The following ABR variants were observed in gnomAD, a reference collection of about 807,000 sequenced individuals.
ABR encodes the protein ABR activator of RhoGEF and GTPase, also known as active breakpoint cluster region-related protein.
ABR carries 35 observed loss-of-function variants against 107.2 expected under a neutral mutation model. That is an observed-to-expected ratio of 0.33 (90% confidence interval 0.25 to 0.43). The LOEUF is 0.43. Ranked by LOEUF, ABR falls within the 20% of genes least tolerant of loss-of-function variation. The probability of loss-of-function intolerance (pLI) is 1.00; values close to 1 mark genes in which losing one functional copy is unlikely to be tolerated. For missense variants in ABR, 815 were observed against 1,115.2 expected (o/e 0.73, Z 3.83); for synonymous variants, 498 against 462.0 (o/e 1.08, Z -1.00).
chr17:1,178,940 G>C (rs1567864789), intron 1 of ABR, among the ~76,000 whole-genome samples: 1 of 151,918 alleles, frequency 6.6e-6, no homozygotes, highest in Non-Finnish European at 1.5e-5. Context: ...CCGGGGCCAT[G>C]CAAGAGCAAT....
chr17:1,213,244 C>T (rs1178698941), intron 1 of ABR, among the ~76,000 whole-genome samples: 2 of 152,230 alleles, frequency 1.3e-5, no homozygotes, highest in African/African-American at 2.4e-5. Context: ...CTCCCAAACA[C>T]TGTGCCGGCC....
rs1327497499 is a variant in ABR at position 1,070,162 on chromosome 17, G to A, written c.895-72C>T. 5.0e-6 allele frequency: 8 copies of A among 1,587,570 alleles called. No homozygotes were observed. In the African/African-American group the frequency reaches 6.7e-5, roughly 13 times the overall value. On this transcript the variant is annotated intron_variant, in intron 8 of 22. Transcript: ENST00000302538. The surrounding 1 kb of genome is among the most constrained non-coding windows in gnomAD (Gnocchi z 4.2). ...CCGAGGGCAGAGCCTGCACACGGGGGCACGGCCAGCCAGGGAGGACTGGAC... is the reference window on the plus strand; with the variant it reads ...CCGAGGGCAGAGCCTGCACACGGGGACACGGCCAGCCAGGGAGGACTGGAC...
chr17:1,033,969 ATT>A (rs560978094), intron 16 of ABR, among the ~76,000 whole-genome samples: 26,701 of 124,214 alleles, frequency 0.21, 2,497 homozygotes, highest in Admixed American at 0.27. Flanking sequence ...CACTCATGTC[ATT>A]TTTTTTTTTT....
intron 1 of ABR, among the ~76,000 whole-genome samples, chr17:1,199,375 C>A (rs1219881704): frequency 6.6e-6 from 1 of 150,966 alleles, no homozygotes; most frequent in Non-Finnish European, 1.5e-5. Context: ...ACGGAAGGTA[C>A]AAAACATACA....
At chr17:1,032,987 G>C (rs1457838483) in intron 16 of ABR, among the ~76,000 whole-genome samples, 1 of 152,170 alleles carries the variant, frequency 6.6e-6, no homozygotes, top group Non-Finnish European at 1.5e-5. Context: ...GTTCTAGAGA[G>C]GTGAGGACAG....
chr17:1,210,076 T>TA lies in ABR; in HGVS notation c.838+18716dup, dbSNP rs1393411928. Among the ~76,000 whole-genome samples, 1 of 152,068 alleles carries TA rather than the reference T, an allele frequency of 6.6e-6. No individual in the cohort carries two copies. Among genetic ancestry groups the TA allele is most frequent in the Admixed American group, 6.5e-5 (1 of 15,270 alleles). On this transcript the variant is annotated intron_variant, in intron 1 of 22. Transcript: ENST00000574139. The surrounding 1 kb of genome is among the most constrained non-coding windows in gnomAD (Gnocchi z 5.6). ...TTCATGGCAAAGACACCTAAATTAG[T>TA]AAAGCACTAAATTAGTGACGGCTGA...
chr17:1,004,073 C>T lies in ABR; in HGVS notation c.*2007G>A, dbSNP rs1326959526. ...GCTGTGGGGCTCCCTGAGGCTGAGA[C>T]GCGAAGGTGCCCAGTCTGGGCCGTG... On this transcript the variant is annotated 3_prime_UTR_variant, in exon 23 of 23. Coordinates refer to ENST00000302538, the MANE Select transcript of ABR (RefSeq NM_021962.5). 4.6e-5 allele frequency: 7 copies of T among 152,376 alleles called. No individual in the cohort carries two copies. The highest frequency in any genetic ancestry group is 2.1e-4 in the South Asian group (1 of 4,830). 9.4% of individuals were successfully genotyped at this position (152,376 alleles called of 1,614,324 possible). A position where few individuals can be genotyped will look rare whatever the true frequency, so the allele number is the denominator to read the frequency against.
upstream of ABR, chr17:1,182,278 G>C (rs189986958): frequency 2.0e-4 from 31 of 152,304 alleles, no homozygotes; most frequent in African/African-American, 7.2e-4. Context: ...TCAGAAAACC[G>C]AGGCCCTGAG....
At chr17:1,022,833 G>C (rs2071801598) in intron 16 of ABR, among the ~76,000 whole-genome samples, 1 of 152,266 alleles carries the variant, frequency 6.6e-6, no homozygotes, top group Admixed American at 6.5e-5. Context: ...GCCTCGGCTG[G>C]CTTCCCCTCC....
chr17:1,134,354 GTGAGC>G (rs773433813), intron 1 of ABR, among the ~76,000 whole-genome samples: 42 of 152,314 alleles, frequency 2.8e-4, no homozygotes, highest in Non-Finnish European at 5.3e-4. Context: ...AGAGGTTGCA[GTGAGC>G]TGAGATTGTA....
At chr17:1,030,756 C>T (rs905833545) in intron 16 of ABR, among the ~76,000 whole-genome samples, 7 of 152,274 alleles carry the variant, frequency 4.6e-5, no homozygotes, top group East Asian at 1.9e-4. Context: ...ATCCCCACCA[C>T]GGACTGGCCA....
At chr17:1,052,292 C>T (rs1216731423) in intron 14 of ABR, among the ~76,000 whole-genome samples, 3 of 151,370 alleles carry the variant, frequency 2.0e-5, no homozygotes, top group Non-Finnish European at 2.9e-5. Flanking sequence ...CCATGAAGTG[C>T]TGTCATCATG....
chr17:1,109,570 G>A (rs548967133), intron 2 of ABR, among the ~76,000 whole-genome samples: 4 of 152,106 alleles, frequency 2.6e-5, no homozygotes. Context: ...CGGGGAGGCC[G>A]CTTCCCAGAC....
intron 2 of ABR, among the ~76,000 whole-genome samples, chr17:1,106,772 C>T (rs1455638908): frequency 6.6e-6 from 1 of 152,112 alleles, no homozygotes; most frequent in African/African-American, 2.4e-5. Context: ...TCAGGTGATC[C>T]GCCCACCTCA....
intron 1 of ABR, among the ~76,000 whole-genome samples, chr17:1,169,921 G>T (rs1053108670): frequency 6.8e-6 from 1 of 147,506 alleles, no homozygotes; most frequent in Admixed American, 7.1e-5. Context: ...CATCCCAACC[G>T]CCAAAGTCTA....
At chr17:1,025,052 G>C (rs2072071813) in intron 16 of ABR, among the ~76,000 whole-genome samples, 1 of 131,726 alleles carries the variant, frequency 7.6e-6, no homozygotes, top group Non-Finnish European at 1.6e-5. Context: ...ACCCCAGGGG[G>C]CGGAGCCTGC....
At chr17:1,169,375 G>A (rs567433706) in intron 1 of ABR, among the ~76,000 whole-genome samples, 2 of 152,220 alleles carry the variant, frequency 1.3e-5, no homozygotes, top group Admixed American at 6.5e-5. Context: ...GAGAACGCTC[G>A]CTCTACTCTT....
Position 1,124,436 on chromosome 17 carries a change from C to A in ABR, c.246+747G>T, listed in dbSNP as rs1002054498. Among the ~76,000 whole-genome samples, 3 of 152,334 alleles carry A rather than the reference C, an allele frequency of 2.0e-5. 1 individual carries two copies. The highest frequency in any genetic ancestry group is 1.5e-5 in the Non-Finnish European group (1 of 68,026). On this transcript the variant is annotated intron_variant, in intron 2 of 22. Transcript: ENST00000302538. The stretch of plus-strand genomic sequence containing the variant: ...AGGACCGGCTTGGATTCTTCTCCCC[C>A]ACCAGCTCCAGGCAAACAACCCCCA...
chr17:1,146,763 ACACCACTGCCACCAGGC>A (rs1444647646), intron 1 of ABR, among the ~76,000 whole-genome samples: 8 of 123,128 alleles, frequency 6.5e-5, no homozygotes, highest in East Asian at 2.8e-4. Context: ...CTGCCACATG[ACACCACTGCCACCAGGC>A]CACCACTGCC....
Sources: allele counts gnomAD v4.1 joint callset (sites outside exome capture counted in the v4.1 genomes callset), GRCh38; gene constraint gnomAD v4.1.1; non-coding constraint Gnocchi (gnomAD v3.1); transcripts MANE v1.5; gene names NCBI Gene and HGNC (gene_info 2026-07-23, HGNC 2026-07-21).